ADGRE3: variants seen among roughly 807,000 people sequenced by gnomAD.
The protein encoded by ADGRE3 is adhesion G protein-coupled receptor E3.
A neutral mutation model predicts 80.1 loss-of-function variants in ADGRE3; 88 were observed. That is an observed-to-expected ratio of 1.10 (90% CI 0.93 to 1.31). The LOEUF is 1.31. ADGRE3 is among the 40% of genes most tolerant of loss of function. ADGRE3 has a pLI of 0.00. For synonymous variants in ADGRE3, 281 were observed against 294.8 expected (o/e 0.95, Z 0.48); for missense variants, 715 against 776.5 (o/e 0.92, Z 0.94).
chr19:14,639,959 T>A (rs1164909818), intron 10 of ADGRE3, among the ~76,000 whole-genome samples: 3 of 152,180 alleles, frequency 2.0e-5, no homozygotes, highest in Non-Finnish European at 1.5e-5. Flanking sequence ...AAATTTGGTA[T>A]CCTTTGACCA....
intron 7 of ADGRE3, 131 bp downstream of exon 7, chr19:14,650,954 G>A: frequency 1.0e-6 from 1 of 979,374 alleles, no homozygotes; most frequent in Non-Finnish European, 1.5e-6. Flanking sequence ...TTTTTTAAAG[G>A]GAAAATCTCC....
At chr19:14,605,126 C>T in the ADGRE3 span, among the ~76,000 whole-genome samples, 2 of 150,396 alleles carry the variant, frequency 1.3e-5, no homozygotes, top group Non-Finnish European at 3.0e-5. Flanking sequence ...GACGGGATTT[C>T]GCTTTTTGTT....
intron 8 of ADGRE3, among the ~76,000 whole-genome samples, chr19:14,645,613 C>T (rs563569560): frequency 9.9e-5 from 15 of 150,984 alleles, no homozygotes; most frequent in African/African-American, 2.9e-4. Flanking sequence ...GAGCTGAGAT[C>T]GCACCACTGT....
intron 15 of ADGRE3, among the ~76,000 whole-genome samples, chr19:14,621,058 C>T (rs895591110): frequency 2.6e-5 from 4 of 151,840 alleles, no homozygotes; most frequent in South Asian, 2.1e-4. Context: ...TCATTCTTGT[C>T]GCCCAGGCTG....
At chr19:14,662,964 C>G (rs1971994514) in intron 3 of ADGRE3, among the ~76,000 whole-genome samples, 1 of 150,770 alleles carries the variant, frequency 6.6e-6, no homozygotes, top group South Asian at 2.1e-4. Flanking sequence ...TAGTTGCAGC[C>G]ACTTGAGAGG....
Position 14,620,560 on chromosome 19 carries a change from ATATATATATTTTTTTTTTTTTTT to A in ADGRE3, c.1921-1112_1921-1090del, listed in dbSNP as rs1568471614. On this transcript the variant is annotated intron_variant, in intron 15 of 15. Transcript: ENST00000253673. ...TTTTATATATATATTATATATATAT[ATATATATATTTTTTTTTTTTTTT>A]TTTTTTTTTTTTTTGAGACAGGGTT... 3.7e-3 allele frequency among the ~76,000 whole-genome samples: 87 copies of A among 23,684 alleles called. 8 individuals carry two copies. The highest frequency in any genetic ancestry group is 0.034 in the East Asian group (33 of 968). The allele number at this position is 23,684 out of a possible 152,430, so 15.5% of individuals were successfully genotyped here. A position where few individuals can be genotyped will look rare whatever the true frequency, so the allele number is the denominator to read the frequency against.
chr19:14,664,845 T>C (rs947771823), intron 2 of ADGRE3, among the ~76,000 whole-genome samples: 8 of 152,024 alleles, frequency 5.3e-5, no homozygotes, highest in South Asian at 2.1e-4. Context: ...TGAAAAAAAA[T>C]CCAACAATAA....
intron 4 of ADGRE3, 86 bp downstream of exon 4, chr19:14,661,875 ACT>A: frequency 7.0e-7 from 1 of 1,418,786 alleles, no homozygotes; most frequent in Non-Finnish European, 9.8e-7. Flanking sequence ...ACAGAGCGAG[ACT>A]CTGTCTCAAA....
At chr19:14,601,561 C>T in the ADGRE3 span, among the ~76,000 whole-genome samples, 795 of 152,102 alleles carry the variant, frequency 5.2e-3, 7 homozygotes, top group African/African-American at 0.018. Context: ...CCTAGGTAGC[C>T]GGCTTTCAAG....
chr19:14,621,028 T>C lies in ADGRE3; in HGVS notation c.1921-1557A>G, dbSNP rs139387682. On this transcript the variant is annotated intron_variant, in intron 15 of 15. Coordinates refer to ENST00000253673, the MANE Select transcript of ADGRE3 (RefSeq NM_032571.5). ...TAATTAAGCCTAATATTAATCAAATTTTTTTTTTGAGACAGAGTTTCATTC... is the reference window on the plus strand; with the variant it reads ...TAATTAAGCCTAATATTAATCAAATCTTTTTTTTGAGACAGAGTTTCATTC... 6.9e-3 allele frequency among the ~76,000 whole-genome samples: 1,049 copies of C among 151,520 alleles called. 4 individuals carry two copies. The highest frequency in any genetic ancestry group is 0.014 in the South Asian group (65 of 4,806).
chr19:14,630,957 C>G (rs886204688), intron 13 of ADGRE3, among the ~76,000 whole-genome samples: 2 of 151,842 alleles, frequency 1.3e-5, no homozygotes, highest in African/African-American at 4.8e-5. Context: ...GTGGTGTGAT[C>G]TCAGCTCATG....
At chr19:14,610,704 A>G in the ADGRE3 span, 2 of 156,352 alleles carry the variant, frequency 1.3e-5, no homozygotes, top group African/African-American at 4.8e-5. Context: ...TAGCATTTAA[A>G]GAGAGGGAGT....
At chr19:14,630,463 C>T (rs1016495335) in intron 13 of ADGRE3, among the ~76,000 whole-genome samples, 6 of 151,942 alleles carry the variant, frequency 3.9e-5, no homozygotes, top group Admixed American at 1.3e-4. Flanking sequence ...GGCTGGAGCA[C>T]AATGACATGA....
intron 14 of ADGRE3, 30 bp from the exon 15 acceptor site, chr19:14,625,629 G>A: frequency 6.9e-7 from 1 of 1,448,618 alleles, no homozygotes; most frequent in Non-Finnish European, 9.7e-7. Flanking sequence ...ACCTGGATGG[G>A]TTTTGCTAAC....
chr19:14,671,460 A>G (rs1972254307), intron 1 of ADGRE3, among the ~76,000 whole-genome samples: 1 of 151,984 alleles, frequency 6.6e-6, no homozygotes, highest in South Asian at 2.1e-4. Context: ...TCTTAAGAGG[A>G]CCTTTGTGAT....
chr19:14,641,291 G>A (rs1599623193), intron 10 of ADGRE3, 128 bp downstream of exon 10: 4 of 1,138,532 alleles, frequency 3.5e-6, no homozygotes, highest in South Asian at 1.4e-5. Flanking sequence ...CAGAAGGGTA[G>A]CGGGAAAATT....
intron 6 of ADGRE3, among the ~76,000 whole-genome samples, chr19:14,654,625 G>A (rs1163460430): frequency 6.6e-6 from 1 of 152,040 alleles, no homozygotes; most frequent in African/African-American, 2.4e-5. Flanking sequence ...GCAATCTTCT[G>A]AATAAACAAC....
chr19:14,635,644 C>T lies in ADGRE3; in HGVS notation c.1485-2342G>A, dbSNP rs188691077. Among the ~76,000 whole-genome samples the T allele has an allele frequency of 7.1e-3, 1,077 of 151,978 alleles. 7 individuals carry two copies. The highest frequency in any genetic ancestry group is 0.011 in the Non-Finnish European group (757 of 67,946). ...GCCAGGCTGGTCTTGAACTCCTGAC[C>T]TCAGGTCATCCACCCGCCTCAGCCT... On this transcript the variant is annotated intron_variant, in intron 11 of 15. Coordinates refer to ENST00000253673, the MANE Select transcript of ADGRE3 (RefSeq NM_032571.5).
At chr19:14,627,842 T>C (rs1970775573) in intron 14 of ADGRE3, among the ~76,000 whole-genome samples, 1 of 151,922 alleles carries the variant, frequency 6.6e-6, no homozygotes, top group African/African-American at 2.4e-5. Flanking sequence ...AAAAACTGGA[T>C]GCTAGGCCAG....
Sources: allele counts gnomAD v4.1 joint callset (sites outside exome capture counted in the v4.1 genomes callset), GRCh38; gene constraint gnomAD v4.1.1; transcripts MANE v1.5; gene names NCBI Gene and HGNC (gene_info 2026-07-23, HGNC 2026-07-21).